Variants in SPTA1 observed in about 807,000 individuals in gnomAD.
The protein encoded by SPTA1 is spectrin alpha chain, erythrocytic 1.
A neutral mutation model predicts 324.7 loss-of-function variants in SPTA1; 177 were observed. The observed-to-expected ratio is 0.55, with a 90% CI of 0.48 to 0.62. The LOEUF is 0.62. SPTA1 is among the 20% of genes least tolerant of loss of function. SPTA1 has a pLI of 0.00. For missense variants in SPTA1, 3,162 were observed against 2,883.6 expected, an observed-to-expected ratio of 1.10 and a Z score of -2.21; for synonymous variants, 1,195 against 1,041.3, an observed-to-expected ratio of 1.15 and a Z score of -2.84.
intron 21 of SPTA1, among the ~76,000 whole-genome samples, chr1:158,654,308 G>A (rs1003209729): frequency 1.3e-5 from 2 of 152,106 alleles, no homozygotes; most frequent in African/African-American, 2.4e-5. Flanking sequence ...GAAAGAAAGA[G>A]ACAGCTTAGC....
At chr1:158,640,377 T>C (rs985649586) in intron 33 of SPTA1, among the ~76,000 whole-genome samples, 2 of 152,170 alleles carry the variant, frequency 1.3e-5, no homozygotes, top group Admixed American at 1.3e-4. Flanking sequence ...ATCACTCCTT[T>C]TCTCCTTCTT....
chr1:158,662,682 C>CCTG lies in SPTA1; in HGVS notation c.2464+17_2464+19dup. 6.2e-7 allele frequency: 1 copy of CCTG among 1,613,330 alleles called. No individual in the cohort carries two copies. The highest frequency in any genetic ancestry group is 8.5e-7 in the Non-Finnish European group (1 of 1,179,910). Reference sequence around the variant, plus strand: ...CCTTGGTCCTTTCCTAGTGGCTCAGCCTGCTCAGGCTGTACTAACCAAGGT... The same window carrying CCTG: ...CCTTGGTCCTTTCCTAGTGGCTCAGCCTGCTGCTCAGGCTGTACTAACCAAGGT... On this transcript the variant is annotated intron_variant, in intron 17 of 51. Coordinates refer to ENST00000643759, the MANE Select transcript of SPTA1 (RefSeq NM_003126.4).
At position 158,619,422 on chromosome 1, in the gene SPTA1, C is replaced by A. The variant is rs567996633; in HGVS notation, c.6418-88G>T. 135 of 1,273,786 alleles carry A rather than the reference C, an allele frequency of 1.1e-4. 2 individuals carry two copies. The South Asian group carries it at 1.4e-3, about 13-fold the overall frequency. 78.9% of individuals were successfully genotyped at this position (1,273,786 alleles called of 1,614,324 possible). On this transcript the variant is annotated intron_variant, in intron 44 of 51. Coordinates refer to ENST00000643759, the MANE Select transcript of SPTA1 (RefSeq NM_003126.4). The stretch of plus-strand genomic sequence containing the variant: ...TTGGTTTGTAGGCTTAACTGCATAT[C>A]TTTCCTCTCTCAAGTCTAACCTATC...
intron 24 of SPTA1, among the ~76,000 whole-genome samples, chr1:158,651,073 C>T (rs1296803681): frequency 6.6e-6 from 1 of 152,100 alleles, no homozygotes; most frequent in Non-Finnish European, 1.5e-5. Flanking sequence ...TTTCTGCTAC[C>T]AATACTTTTG....
intron 2 of SPTA1, 54 bp from the exon 3 acceptor site, chr1:158,683,550 A>T (rs1371846178): frequency 6.2e-7 from 1 of 1,608,950 alleles, no homozygotes; most frequent in Non-Finnish European, 8.5e-7. Flanking sequence ...TTCATGGGAA[A>T]TGTTCACTCT....
At position 158,686,603 on chromosome 1, in the gene SPTA1, G is replaced by T; in HGVS notation, c.-86C>A. On this transcript the variant is annotated 5_prime_UTR_variant, in exon 1 of 52. Transcript: ENST00000643759. ...ATAATTCAAATGGAACTGTCCAGTCGAATTCAAATAGAAATATAGAAACGT... is the reference window on the plus strand; with the variant it reads ...ATAATTCAAATGGAACTGTCCAGTCTAATTCAAATAGAAATATAGAAACGT... 7.5e-6 allele frequency: 8 copies of T among 1,060,716 alleles called. No individual in the cohort carries two copies. Among genetic ancestry groups the T allele is most frequent in the South Asian group, 1.3e-5 (1 of 77,022 alleles). 65.7% of individuals were successfully genotyped at this position (1,060,716 alleles called of 1,614,324 possible). A position where few individuals can be genotyped will look rare whatever the true frequency, so the allele number is the denominator to read the frequency against.
At chr1:158,675,518 T>C (rs141471542) in intron 8 of SPTA1, among the ~76,000 whole-genome samples, 1 of 152,184 alleles carries the variant, frequency 6.6e-6, no homozygotes, top group Admixed American at 6.6e-5. Context: ...CATTTCAATA[T>C]GCCCAGCAGG....
At position 158,613,789 on chromosome 1, in the gene SPTA1, C is replaced by T; in HGVS notation, c.6921G>A (p.Leu2307=). The change falls in exon 50 of 52, where the codon TTG becomes TTA. Residue 2307 remains leucine, a synonymous_variant. Coordinates refer to ENST00000643759, the MANE Select transcript of SPTA1 (RefSeq NM_003126.4). ...CATGTTCATCCTCCTCCACCATGGG[C>T]AAGTAGTAATTGAGTCCTCTCAGGC... ...RSCLRGLNYY[L]PMVEEDEHEP... The T allele has an allele frequency of 2.5e-6, 4 of 1,613,866 alleles. No homozygotes were observed. The highest frequency in any genetic ancestry group is 3.4e-6 in the Non-Finnish European group (4 of 1,179,878).
At chr1:158,684,708 T>C (rs565963271) in intron 2 of SPTA1, among the ~76,000 whole-genome samples, 3 of 152,282 alleles carry the variant, frequency 2.0e-5, no homozygotes, top group African/African-American at 7.2e-5. Flanking sequence ...ATGTAATTTT[T>C]TACTTTTGGC....
chr1:158,668,035 G>C lies in SPTA1; in HGVS notation c.1861C>G (p.Gln621Glu). Reference protein sequence around the residue: ...KDIQNLKSRVQKQQVFEKELA... With the variant: ...KDIQNLKSRVEKQQVFEKELA... ...TCCTTTTCAAAGACTTGCTGCTTTT[G>C]AACCCTGCTCTTCAAGTTCTGTATG... Residue 621 changes from glutamine to glutamate, a missense_variant, in exon 15 of 52, where the codon CAA becomes GAA. Physicochemically the swap from Gln to Glu is conservative, Grantham distance 29. Transcript: ENST00000643759. The C allele has an allele frequency of 6.2e-7, 1 of 1,606,640 alleles. No individual in the cohort carries two copies. Among genetic ancestry groups the C allele is most frequent in the Non-Finnish European group, 8.5e-7 (1 of 1,178,112 alleles).
rs1651899415 is a variant in SPTA1 at position 158,645,188 on chromosome 1, C to T, written c.4194G>A (p.Gln1398=). Residue 1398 remains glutamine (Q), a splice_region_variant and synonymous_variant, in exon 29 of 52, where the codon CAG becomes CAA. Coordinates refer to ENST00000643759, the MANE Select transcript of SPTA1 (RefSeq NM_003126.4). ...KKILDQCLEL[Q]MFQGNCDQVE... ...TTAACAATTGGGAAATTTGCTGTAC[C>T]TGCAACTCCAGGCACTGGTCTAGGA... 4 of 1,613,686 alleles carry T rather than the reference C, an allele frequency of 2.5e-6. No homozygotes were observed. Among genetic ancestry groups the T allele is most frequent in the African/African-American group, 1.3e-5 (1 of 74,902 alleles).
rs1442951143 is a variant in SPTA1 at position 158,648,658 on chromosome 1, T to G, written c.3570-5A>C. 1.2e-6 allele frequency: 2 copies of G among 1,613,546 alleles called. No homozygotes were observed. Among genetic ancestry groups the G allele is most frequent in the African/African-American group, 2.7e-5 (2 of 74,958 alleles). ...TCCTTCGTGTCATCTGCTTCTCTGG[T>G]ATACAAGAGAGTAGAGAGTTCAAAA... On this transcript the variant is annotated splice_region_variant and splice_polypyrimidine_tract_variant and intron_variant, in intron 25 of 51. Coordinates refer to ENST00000643759, the MANE Select transcript of SPTA1 (RefSeq NM_003126.4).
chr1:158,611,604 A>T, intron 51 of SPTA1: 1 of 489,258 alleles, frequency 2.0e-6, no homozygotes, highest in Non-Finnish European at 3.6e-6. Flanking sequence ...AAGAGAGCTT[A>T]CTCACTTTGA....
chr1:158,672,433 G>A (rs1362997680), intron 10 of SPTA1, among the ~76,000 whole-genome samples: 1 of 152,106 alleles, frequency 6.6e-6, no homozygotes, highest in Non-Finnish European at 1.5e-5. Flanking sequence ...CTAATTAAGA[G>A]AGCCAGGAAG....
intron 27 of SPTA1, among the ~76,000 whole-genome samples, 169 bp downstream of exon 27, chr1:158,647,370 G>A (rs1488013455): frequency 6.6e-6 from 1 of 152,096 alleles, no homozygotes; most frequent in Admixed American, 6.6e-5. Flanking sequence ...TTCAAACTTT[G>A]TATTTTATTG....
At chr1:158,619,443 C>T (rs1481521674) in intron 44 of SPTA1, 109 bp from the exon 45 acceptor site, 2 of 1,041,092 alleles carry the variant, frequency 1.9e-6, no homozygotes, top group Admixed American at 3.5e-5. Context: ...CAAGTCTAAC[C>T]TATCTTCCAC....
chr1:158,636,144 C>T (rs1571411922), intron 37 of SPTA1, 110 bp from the exon 38 acceptor site: 2 of 1,577,356 alleles, frequency 1.3e-6, no homozygotes, highest in East Asian at 2.2e-5. Context: ...TATTTATAAA[C>T]TCCACGGGAC....
chr1:158,657,465 C>A lies in SPTA1; in HGVS notation c.2805+12G>T, dbSNP rs753847284. 17 of 1,469,326 alleles carry A rather than the reference C, an allele frequency of 1.2e-5. No individual in the cohort carries two copies. The highest frequency in any genetic ancestry group is 1.6e-5 in the Non-Finnish European group (17 of 1,051,058). 91.0% of individuals were successfully genotyped at this position (1,469,326 alleles called of 1,614,324 possible). A position where few individuals can be genotyped will look rare whatever the true frequency, so the allele number is the denominator to read the frequency against. ...TTGAGGATTCACAATGTTAAACCCA[C>A]CCCCACCTTACCCCAGCTGCTTCTT... is the stretch of plus-strand genomic sequence containing the variant. On this transcript the variant is annotated intron_variant, in intron 19 of 51. Coordinates refer to ENST00000643759, the MANE Select transcript of SPTA1 (RefSeq NM_003126.4).
At chr1:158,631,109 T>G (rs766085273) in intron 39 of SPTA1, among the ~76,000 whole-genome samples, 1 of 152,184 alleles carries the variant, frequency 6.6e-6, no homozygotes, top group Non-Finnish European at 1.5e-5. Flanking sequence ...ATCCCACTAC[T>G]GGGTATCTAC....
Sources: allele counts gnomAD v4.1 joint callset (sites outside exome capture counted in the v4.1 genomes callset), GRCh38; gene constraint gnomAD v4.1.1; transcripts MANE v1.5; gene names NCBI Gene and HGNC (gene_info 2026-07-23, HGNC 2026-07-21).